Variants in GNAL observed in about 807,000 individuals in gnomAD.
The protein encoded by GNAL is G protein subunit alpha L.
Under a neutral mutation model 55.1 loss-of-function variants are expected in GNAL, and 18 were observed. That is an observed-to-expected ratio of 0.33 (90% CI 0.23 to 0.48). The LOEUF is 0.48. Ranked by LOEUF, GNAL falls within the 20% of genes least tolerant of loss-of-function variation. The pLI is 0.99. For missense variants in GNAL, 412 were observed against 614.1 expected, an observed-to-expected ratio of 0.67 and a Z score of 3.48; for synonymous variants, 253 against 237.0, an observed-to-expected ratio of 1.07 and a Z score of -0.62.
chr18:11,855,522 G>T (rs1480108652), intron 5 of GNAL, among the ~76,000 whole-genome samples: 3 of 152,142 alleles, frequency 2.0e-5, no homozygotes, highest in Non-Finnish European at 4.4e-5. Context: ...GTTTATTTCA[G>T]TTCAGGAACC....
chr18:11,862,847 C>G (rs1280408161), intron 6 of GNAL, among the ~76,000 whole-genome samples: 2 of 150,080 alleles, frequency 1.3e-5, no homozygotes, highest in Non-Finnish European at 3.0e-5. Flanking sequence ...AGAGCATCCC[C>G]TTTGGGTTGA....
rs535087674 is a variant in GNAL at position 11,752,311 on chromosome 18, C to T, written c.377-542C>T. 9,303 of 1,469,044 alleles carry T rather than the reference C, an allele frequency of 6.3e-3. 41 individuals are homozygous for T. The highest frequency in any genetic ancestry group is 7.6e-3 in the Non-Finnish European group (8,470 of 1,115,378). The allele number at this position is 1,469,044 out of a possible 1,614,324, so 91.0% of individuals were successfully genotyped here. On this transcript the variant is annotated intron_variant, in intron 1 of 11. Transcript: ENST00000334049. The surrounding 1 kb of genome is among the most constrained non-coding windows in gnomAD (Gnocchi z 4.5). ...TCTGAATCGGAAAACACCGAAGAGA[C>T]CAGACCATCTCTTTCAGCAGCAGGA...
At chr18:11,746,101 C>T (rs2032682357) in intron 1 of GNAL, 2 of 521,170 alleles carry the variant, frequency 3.8e-6, no homozygotes, top group South Asian at 2.9e-5. Flanking sequence ...CACTCCACGA[C>T]TCCCCTTTTA....
chr18:11,703,151 TG>T (rs1322839957), intron 1 of GNAL, among the ~76,000 whole-genome samples: 9 of 152,164 alleles, frequency 5.9e-5, no homozygotes, highest in African/African-American at 2.2e-4. Context: ...AAACCATATT[TG>T]TAGAGTATAT....
At chr18:11,755,970 C>G (rs149777228) in intron 4 of GNAL, among the ~76,000 whole-genome samples, 2 of 152,202 alleles carry the variant, frequency 1.3e-5, no homozygotes, top group Non-Finnish European at 2.9e-5. Flanking sequence ...AGAAAAGCAT[C>G]TGAGTTCTTG....
intron 1 of GNAL, among the ~76,000 whole-genome samples, chr18:11,732,018 A>G (rs2032350426): frequency 6.6e-6 from 1 of 151,986 alleles, no homozygotes; most frequent in African/African-American, 2.4e-5. Flanking sequence ...TCTCTACTTC[A>G]TTCCTTTTTG....
At chr18:11,780,849 A>G (rs1373326751) in intron 4 of GNAL, among the ~76,000 whole-genome samples, 2 of 152,234 alleles carry the variant, frequency 1.3e-5, no homozygotes, top group Admixed American at 1.3e-4. Flanking sequence ...TTGAATTACA[A>G]TGAAAATTAG....
chr18:11,866,504 G>C (rs2036266783), intron 7 of GNAL, among the ~76,000 whole-genome samples: 2 of 150,444 alleles, frequency 1.3e-5, no homozygotes, highest in African/African-American at 5.0e-5. Flanking sequence ...GCTGTGAGAA[G>C]AGGGGCCTGG....
At chr18:11,808,025 CT>C (rs111276081) in intron 4 of GNAL, among the ~76,000 whole-genome samples, 50,545 of 144,066 alleles carry the variant, frequency 0.35, 9,735 homozygotes, top group African/African-American at 0.55. Context: ...GCCCAGCCTT[CT>C]TTTTTTTTTT....
At chr18:11,835,536 C>T (rs192717501) in intron 5 of GNAL, among the ~76,000 whole-genome samples, 4 of 151,616 alleles carry the variant, frequency 2.6e-5, no homozygotes, top group East Asian at 1.9e-4. Flanking sequence ...TTCAAGTGTT[C>T]ACTACAAAAT....
chr18:11,694,095 C>T (rs981202781), intron 1 of GNAL, among the ~76,000 whole-genome samples: 2 of 152,004 alleles, frequency 1.3e-5, no homozygotes, highest in Non-Finnish European at 2.9e-5. Flanking sequence ...TCAAGTGATC[C>T]ACCTGTCTTG....
At position 11,884,530 on chromosome 18, in the gene GNAL, A is replaced by T; in HGVS notation, c.*3395A>T. ...CCCAAAGTGAGTGAGTGTGAGGACCACAAGGAAGCCCACCACTCCACAGTA... is the reference window on the plus strand; with the variant it reads ...CCCAAAGTGAGTGAGTGTGAGGACCTCAAGGAAGCCCACCACTCCACAGTA... On this transcript the variant is annotated 3_prime_UTR_variant, in exon 12 of 12. Transcript: ENST00000334049. 1 of 1,614,164 alleles carries T rather than the reference A, an allele frequency of 6.2e-7. No homozygotes were observed. The highest frequency in any genetic ancestry group is 8.5e-7 in the Non-Finnish European group (1 of 1,180,026).
At chr18:11,769,525 A>C (rs2033566651) in intron 4 of GNAL, among the ~76,000 whole-genome samples, 1 of 152,094 alleles carries the variant, frequency 6.6e-6, no homozygotes, top group African/African-American at 2.4e-5. Flanking sequence ...TGGTCTACAA[A>C]CTTGTTCCAT....
intron 4 of GNAL, among the ~76,000 whole-genome samples, chr18:11,769,802 TG>T: frequency 6.6e-6 from 1 of 152,232 alleles, no homozygotes; most frequent in Middle Eastern, 3.4e-3. Flanking sequence ...ACTACAATCT[TG>T]CTTATCCTAC....
At chr18:11,852,221 A>G in intron 5 of GNAL, 3 of 1,341,018 alleles carry the variant, frequency 2.2e-6, no homozygotes, top group Non-Finnish European at 3.0e-6. Context: ...GAATGCTGAA[A>G]TGCCCTTCTA....
At chr18:11,768,176 C>T (rs2033471437) in intron 4 of GNAL, among the ~76,000 whole-genome samples, 1 of 152,148 alleles carries the variant, frequency 6.6e-6, no homozygotes, top group Admixed American at 6.5e-5. Context: ...TAGTTATGCT[C>T]AGTAAATGTA....
At chr18:11,776,787 C>CT (rs931718586) in intron 4 of GNAL, among the ~76,000 whole-genome samples, 1 of 149,144 alleles carries the variant, frequency 6.7e-6, no homozygotes, top group Non-Finnish European at 1.5e-5. Flanking sequence ...TTGTCAAAAA[C>CT]TTTAAAATTG....
intron 5 of GNAL, chr18:11,857,696 C>T (rs2036040164): frequency 6.1e-6 from 6 of 985,324 alleles, no homozygotes; most frequent in Non-Finnish European, 7.2e-6. Context: ...CCAGTGACGC[C>T]GATATGCTGC....
intron 4 of GNAL, among the ~76,000 whole-genome samples, chr18:11,819,721 C>G (rs747420903): frequency 6.6e-6 from 1 of 151,670 alleles, no homozygotes; most frequent in Non-Finnish European, 1.5e-5. Flanking sequence ...ACAAAAAAAA[C>G]CCTGAAATTA....
Sources: gnomAD v4.1 joint callset for allele counts (sites outside exome capture counted in the v4.1 genomes callset) on GRCh38, gnomAD v4.1.1 for gene constraint, Gnocchi (gnomAD v3.1) non-coding constraint, MANE v1.5 for transcripts, NCBI Gene and HGNC (gene_info 2026-07-23, HGNC 2026-07-21) for gene names.